The following VPS41 variants were observed in gnomAD, a reference collection of about 807,000 sequenced individuals.
The protein encoded by VPS41 is VPS41 subunit of HOPS complex.
Under a neutral mutation model 130.9 loss-of-function variants are expected in VPS41, and 85 were observed. The ratio of observed to expected loss-of-function variants is 0.65; its 90% CI spans 0.55 to 0.78. The LOEUF is 0.78. VPS41 is among the 30% of genes least tolerant of loss of function. VPS41 has a pLI of 0.00. For synonymous variants in VPS41, 335 were observed against 332.9 expected (o/e 1.01, Z -0.07); for missense variants, 874 against 1,018.7 (o/e 0.86, Z 1.93).
At chr7:38,773,981 A>G in intron 12 of VPS41, 134 bp downstream of exon 12, 1 of 832,952 alleles carries the variant, frequency 1.2e-6, no homozygotes, top group African/African-American at 1.7e-5. Context: ...CCTTGTTTTC[A>G]GCACACACAG....
At chr7:38,794,081 TTACATATTTC>T (rs1784578933) in intron 9 of VPS41, among the ~76,000 whole-genome samples, 2 of 152,184 alleles carry the variant, frequency 1.3e-5, no homozygotes, top group African/African-American at 4.8e-5. Flanking sequence ...AGTAAACTTG[TTACATATTTC>T]TACAGGCTAA....
intron 7 of VPS41, among the ~76,000 whole-genome samples, chr7:38,804,228 T>G (rs1385496368): frequency 6.6e-6 from 1 of 152,106 alleles, no homozygotes; most frequent in Non-Finnish European, 1.5e-5. Context: ...AGGTTTGTTA[T>G]GTAGGTAAAC....
At chr7:38,773,150 A>G (rs893162181) in intron 12 of VPS41, among the ~76,000 whole-genome samples, 5 of 152,188 alleles carry the variant, frequency 3.3e-5, no homozygotes, top group Non-Finnish European at 7.3e-5. Context: ...AGGCCACCTA[A>G]GGCATAAATG....
intron 4 of VPS41, among the ~76,000 whole-genome samples, chr7:38,855,402 A>G (rs1166423205): frequency 6.6e-6 from 1 of 152,152 alleles, no homozygotes; most frequent in Non-Finnish European, 1.5e-5. Context: ...CAAAGCAAAG[A>G]GAAAAGAGGA....
rs552515555 is a variant in VPS41, at chr7:38,868,832, C to T, written c.168+314G>A. 4.9e-4 allele frequency among the ~76,000 whole-genome samples: 75 copies of T among 152,190 alleles called. 1 individual carries two copies. The South Asian group carries it at 0.015, about 29-fold the overall frequency. On this transcript the variant is annotated intron_variant, in intron 3 of 28. Coordinates refer to ENST00000310301, the MANE Select transcript of VPS41 (RefSeq NM_014396.4). ...CATTATTTCTAATCTTAACAGGTTC[C>T]TAATTGAATCCTTATAATTTGAGGA...
intron 2 of VPS41, among the ~76,000 whole-genome samples, chr7:38,897,146 A>T (rs73366696): frequency 0.017 from 2,421 of 143,744 alleles, 68 homozygotes; most frequent in African/African-American, 0.057. Context: ...GTGAGCCCAG[A>T]CTGCACCATT....
intron 1 of VPS41, 121 bp downstream of exon 1, chr7:38,909,033 C>T (rs1315665642): frequency 1.4e-5 from 17 of 1,225,294 alleles, no homozygotes; most frequent in Non-Finnish European, 2.0e-5. Flanking sequence ...CGCCCTGCCG[C>T]GGACCTGCCT....
At chr7:38,826,975 C>T (rs1187044747) in intron 5 of VPS41, among the ~76,000 whole-genome samples, 1 of 152,012 alleles carries the variant, frequency 6.6e-6, no homozygotes, top group Non-Finnish European at 1.5e-5. Context: ...CCCGCCGCCA[C>T]ACCCGGCTAA....
Position 38,774,598 on chromosome 7 carries a change from CAATAAA to C in VPS41, c.883-360_883-355del, listed in dbSNP as rs371196139. On this transcript the variant is annotated intron_variant, in intron 11 of 28. Transcript: ENST00000310301. ...TATATTTAAAAATTGACCACTGTAA[CAATAAA>C]AATATCAAAATCAGAATAGCAAAAT... is the stretch of plus-strand genomic sequence containing the variant. 2.9e-3 allele frequency among the ~76,000 whole-genome samples: 440 copies of C among 151,732 alleles called. 2 individuals carry two copies. Among genetic ancestry groups the C allele is most frequent in the African/African-American group, 0.01 (428 of 41,378 alleles).
rs561945754 is a variant in VPS41 at position 38,835,118 on chromosome 7, A to G, written c.247-4790T>C. 5.9e-5 allele frequency among the ~76,000 whole-genome samples: 9 copies of G among 152,078 alleles called. 1 individual carries two copies. The highest frequency in any genetic ancestry group is 3.3e-4 in the Admixed American group (5 of 15,294). On this transcript the variant is annotated intron_variant, in intron 4 of 28. Coordinates refer to ENST00000310301, the MANE Select transcript of VPS41 (RefSeq NM_014396.4). ...CTATTTCATATTTGCAAATATACAG[A>G]TATCTTACAGGTATAAGTACTTGTG...
intron 16 of VPS41, 32 bp from the exon 17 acceptor site, chr7:38,763,579 T>A: frequency 6.8e-7 from 1 of 1,479,372 alleles, no homozygotes; most frequent in Non-Finnish European, 9.2e-7. Context: ...AAAAGTCCAT[T>A]AAAATATGAA....
intron 13 of VPS41, among the ~76,000 whole-genome samples, chr7:38,772,039 T>G (rs73368230): frequency 0.036 from 5,516 of 152,108 alleles, 324 homozygotes; most frequent in African/African-American, 0.12. Context: ...TGAAAAATGG[T>G]TTTTTTCTTT....
Position 38,897,368 on chromosome 7 carries a change from G to A in VPS41, c.60+723C>T, listed in dbSNP as rs190858877. On this transcript the variant is annotated intron_variant, in intron 2 of 28. Coordinates refer to ENST00000310301, the MANE Select transcript of VPS41 (RefSeq NM_014396.4). ...CTTTTTAAGAAGCAAACTCCAGGCC[G>A]GGCGCGGTGGCTCACGCCTGTAATC... Among the ~76,000 whole-genome samples, 9 of 151,652 alleles carry A rather than the reference G, an allele frequency of 5.9e-5. No homozygotes were observed. In the East Asian group the frequency reaches 1.8e-3, roughly 30 times the overall value.
intron 4 of VPS41, among the ~76,000 whole-genome samples, chr7:38,844,562 C>T (rs931305750): frequency 3.3e-5 from 5 of 151,910 alleles, no homozygotes; most frequent in African/African-American, 9.7e-5. Flanking sequence ...ATGTGAAGAA[C>T]GGAAAGAAAT....
intron 7 of VPS41, among the ~76,000 whole-genome samples, chr7:38,805,913 T>C (rs1475859761): frequency 6.6e-6 from 1 of 152,196 alleles, no homozygotes; most frequent in African/African-American, 2.4e-5. Context: ...GCAGCAATAA[T>C]TTGTGCTCAA....
intron 2 of VPS41, among the ~76,000 whole-genome samples, chr7:38,893,280 T>C (rs764678420): frequency 2.0e-5 from 3 of 152,202 alleles, no homozygotes; most frequent in Admixed American, 6.5e-5. Flanking sequence ...TCTCTGCACA[T>C]ACATTCCCTC....
At chr7:38,765,784 G>C (rs1181639485) in intron 15 of VPS41, 123 bp from the exon 16 acceptor site, 2 of 613,350 alleles carry the variant, frequency 3.3e-6, no homozygotes, top group Non-Finnish European at 5.5e-6. Flanking sequence ...TCAGAGTTTT[G>C]ATGAATTTCT....
intron 4 of VPS41, among the ~76,000 whole-genome samples, chr7:38,831,585 A>C (rs181138014): frequency 2.3e-3 from 344 of 152,366 alleles, no homozygotes; most frequent in African/African-American, 6.7e-3. Context: ...TTTTCCTTCT[A>C]TATACACGTT....
intron 2 of VPS41, among the ~76,000 whole-genome samples, chr7:38,882,927 T>A (rs1450143690): frequency 2.0e-5 from 3 of 152,166 alleles, no homozygotes; most frequent in Non-Finnish European, 2.9e-5. Flanking sequence ...GACTCTCCAA[T>A]GCTTTCCAGC....
Sources: allele counts gnomAD v4.1 joint callset (sites outside exome capture counted in the v4.1 genomes callset), GRCh38; gene constraint gnomAD v4.1.1; transcripts MANE v1.5; gene names NCBI Gene and HGNC (gene_info 2026-07-23, HGNC 2026-07-21).